TRIM44: variants seen among roughly 807,000 people sequenced by gnomAD.
The protein encoded by TRIM44 is tripartite motif containing 44.
TRIM44 carries 13 observed loss-of-function variants against 37.4 expected under a neutral mutation model. That is an observed-to-expected ratio of 0.35 (90% CI 0.23 to 0.55). The LOEUF (loss-of-function observed/expected upper bound fraction) is 0.55, where lower values mean the gene tolerates loss of function less well. Among genes scored for constraint, TRIM44 ranks in the 20% least tolerant of loss-of-function variants. The probability of loss-of-function intolerance (pLI) is 0.89; values close to 1 mark genes in which losing one functional copy is unlikely to be tolerated. For missense variants in TRIM44, 426 were observed against 437.2 expected (o/e 0.97, Z 0.23); for synonymous variants, 175 against 157.2 (o/e 1.11, Z -0.85).
At chr11:35,727,795 C>T (rs960553941) in intron 3 of TRIM44, among the ~76,000 whole-genome samples, 3 of 152,192 alleles carry the variant, frequency 2.0e-5, no homozygotes, top group African/African-American at 7.2e-5. Context: ...TTTCCCCCTA[C>T]TATAAGACAT....
intron 1 of TRIM44, among the ~76,000 whole-genome samples, chr11:35,666,203 CATA>C (rs1851330984): frequency 1.3e-5 from 2 of 152,144 alleles, no homozygotes; most frequent in African/African-American, 4.8e-5. Context: ...ATCAAGTGCC[CATA>C]ATATGTGTGA....
At chr11:35,792,529 T>C (rs1227584361) in intron 4 of TRIM44, among the ~76,000 whole-genome samples, 1 of 152,220 alleles carries the variant, frequency 6.6e-6, no homozygotes, top group African/African-American at 2.4e-5. Context: ...AAAGGTATGC[T>C]TTCCTGCTGG....
chr11:35,785,664 C>G (rs1303953778), intron 4 of TRIM44, among the ~76,000 whole-genome samples: 1 of 152,242 alleles, frequency 6.6e-6, no homozygotes, highest in Non-Finnish European at 1.5e-5. Context: ...AGCTGGCAGG[C>G]AAGCCTGGGA....
At chr11:35,686,422 A>G (rs908357843) in intron 2 of TRIM44, among the ~76,000 whole-genome samples, 6 of 149,570 alleles carry the variant, frequency 4.0e-5, no homozygotes, top group African/African-American at 1.5e-4. Context: ...TTGAGTATCT[A>G]CTGAGAGTCA....
At chr11:35,717,554 A>G (rs192191705) in intron 2 of TRIM44, among the ~76,000 whole-genome samples, 40 of 152,200 alleles carry the variant, frequency 2.6e-4, no homozygotes, top group African/African-American at 7.5e-4. Context: ...AGTAATAATA[A>G]AACTCTGGTG....
intron 4 of TRIM44, among the ~76,000 whole-genome samples, chr11:35,762,028 G>A (rs1404427642): frequency 6.6e-6 from 1 of 152,128 alleles, no homozygotes; most frequent in Admixed American, 6.5e-5. Context: ...GGCTAAGAGG[G>A]TGCTTTCATG....
chr11:35,753,025 A>G (rs773885073), intron 4 of TRIM44, among the ~76,000 whole-genome samples: 1 of 152,240 alleles, frequency 6.6e-6, no homozygotes, highest in Non-Finnish European at 1.5e-5. Flanking sequence ...TTGAATATAC[A>G]AATCGCTTTG....
chr11:35,781,398 A>G (rs1853064133), intron 4 of TRIM44, among the ~76,000 whole-genome samples: 1 of 152,230 alleles, frequency 6.6e-6, no homozygotes. Flanking sequence ...CACAAGTCCC[A>G]GAGACAAGCT....
chr11:35,779,425 T>C, intron 4 of TRIM44, among the ~76,000 whole-genome samples: 1 of 152,084 alleles, frequency 6.6e-6, no homozygotes, highest in East Asian at 1.9e-4. Flanking sequence ...CTGCTTCAGC[T>C]CACACTCCGT....
intron 4 of TRIM44, among the ~76,000 whole-genome samples, chr11:35,778,894 C>G (rs1020303600): frequency 1.3e-5 from 2 of 152,226 alleles, no homozygotes; most frequent in African/African-American, 4.8e-5. Flanking sequence ...GCTCAGGGGT[C>G]AGAGACCCAC....
chr11:35,697,599 C>G (rs564156301), intron 2 of TRIM44, among the ~76,000 whole-genome samples: 1 of 151,638 alleles, frequency 6.6e-6, no homozygotes, highest in Non-Finnish European at 1.5e-5. Context: ...GCTATCCCTC[C>G]CCGCTCCCCA....
At chr11:35,704,274 C>G (rs1015865401) in intron 2 of TRIM44, among the ~76,000 whole-genome samples, 1 of 152,194 alleles carries the variant, frequency 6.6e-6, no homozygotes, top group African/African-American at 2.4e-5. Flanking sequence ...AAGACCAAAT[C>G]TACGTCTGAT....
chr11:35,771,550 C>T (rs1019948550), intron 4 of TRIM44, among the ~76,000 whole-genome samples: 2 of 151,856 alleles, frequency 1.3e-5, no homozygotes, highest in African/African-American at 4.8e-5. Context: ...ATAGTGAAAC[C>T]CCCGTCTCTA....
intron 3 of TRIM44, among the ~76,000 whole-genome samples, chr11:35,732,787 C>G (rs1852278882): frequency 6.6e-6 from 1 of 152,160 alleles, no homozygotes; most frequent in Non-Finnish European, 1.5e-5. Flanking sequence ...GCAGGAACAT[C>G]ACATGCATAT....
At chr11:35,754,073 T>A (rs536315389) in intron 4 of TRIM44, among the ~76,000 whole-genome samples, 2 of 152,074 alleles carry the variant, frequency 1.3e-5, no homozygotes, top group African/African-American at 4.8e-5. Flanking sequence ...AAAAGAAATT[T>A]ATTGAATACT....
At chr11:35,743,410 G>T (rs532963132) in intron 4 of TRIM44, among the ~76,000 whole-genome samples, 1 of 152,306 alleles carries the variant, frequency 6.6e-6, no homozygotes, top group East Asian at 1.9e-4. Flanking sequence ...CACATCTCAT[G>T]ATTTGTTATG....
At position 35,704,615 on chromosome 11, in the gene TRIM44, T is replaced by C. The variant is rs11033249; in HGVS notation, c.747+19279T>C. Among the ~76,000 whole-genome samples, 2,106 of 152,268 alleles carry C rather than the reference T, an allele frequency of 0.014. 117 individuals carry two copies. In the East Asian group the frequency reaches 0.14, roughly 10 times the overall value. ...GAGTGGGGGCCAATATTCAACATTCTTAAAGAAAAGAATTTTCAATCCAGA... is the reference window on the plus strand; with the variant it reads ...GAGTGGGGGCCAATATTCAACATTCCTAAAGAAAAGAATTTTCAATCCAGA... On this transcript the variant is annotated intron_variant, in intron 2 of 4. Transcript: ENST00000299413.
intron 4 of TRIM44, among the ~76,000 whole-genome samples, chr11:35,803,741 A>C (rs1853401132): frequency 6.6e-6 from 1 of 152,178 alleles, no homozygotes; most frequent in Non-Finnish European, 1.5e-5. Context: ...AAATAAAATG[A>C]GATAACCTCA....
intron 2 of TRIM44, among the ~76,000 whole-genome samples, chr11:35,720,755 G>A (rs1469847469): frequency 6.6e-6 from 1 of 151,984 alleles, no homozygotes; most frequent in Middle Eastern, 3.2e-3. Context: ...TAATAAATGA[G>A]TGTTGAGTTT....
Sources: allele counts gnomAD v4.1 joint callset (sites outside exome capture counted in the v4.1 genomes callset), GRCh38; gene constraint gnomAD v4.1.1; transcripts MANE v1.5; gene names NCBI Gene and HGNC (gene_info 2026-07-23, HGNC 2026-07-21).